The following QNG1 variants were observed in gnomAD, a reference collection of about 807,000 sequenced individuals.
QNG1 encodes the protein queuosine 5'-phosphate N-glycosylase/hydrolase.
chr9:83,944,019 T>TCAAACAAACAAACAAACAAA, the QNG1 span, among the ~76,000 whole-genome samples: 125 of 143,146 alleles, frequency 8.7e-4, no homozygotes, highest in African/African-American at 3.3e-3. Flanking sequence ...AGACTCCGTC[T>TCAAACAAACAAACAAACAAA]CAAACAAACA....
the QNG1 span, among the ~76,000 whole-genome samples, chr9:83,948,416 C>G: frequency 1.3e-5 from 2 of 149,300 alleles, no homozygotes; most frequent in Admixed American, 6.6e-5. Flanking sequence ...CCGCCCCGTC[C>G]GGGAGGGAGG....
the QNG1 span, among the ~76,000 whole-genome samples, chr9:83,941,245 T>C: frequency 5.3e-5 from 8 of 152,154 alleles, no homozygotes; most frequent in African/African-American, 1.9e-4. Flanking sequence ...TAGATAATAG[T>C]AGTGGGTTGA....
chr9:83,954,529 C>G, the QNG1 span, among the ~76,000 whole-genome samples: 2 of 151,704 alleles, frequency 1.3e-5, no homozygotes, highest in South Asian at 2.1e-4. Flanking sequence ...TTGCAGTGAG[C>G]TGAGATAGTG....
the QNG1 span, among the ~76,000 whole-genome samples, chr9:83,943,748 G>C: frequency 6.6e-6 from 1 of 152,292 alleles, no homozygotes; most frequent in South Asian, 2.1e-4. Flanking sequence ...TAAGGCCGGG[G>C]TGGTGGCTCA....
the QNG1 span, among the ~76,000 whole-genome samples, chr9:83,947,536 A>G: frequency 6.6e-6 from 1 of 152,266 alleles, no homozygotes. Context: ...CTCGTCTCCC[A>G]CTTTCCAGGG....
chr9:83,944,063 T>C, the QNG1 span, among the ~76,000 whole-genome samples: 1 of 150,800 alleles, frequency 6.6e-6, no homozygotes, highest in South Asian at 2.1e-4. Context: ...GGCTCACGCC[T>C]GTAATCCCAG....
At chr9:83,955,620 A>C in the QNG1 span, 1 of 1,613,272 alleles carries the variant, frequency 6.2e-7, no homozygotes, top group Non-Finnish European at 8.5e-7. Context: ...GCGTAGTACG[A>C]GGCACTAGTT....
the QNG1 span, among the ~76,000 whole-genome samples, chr9:83,945,597 G>T: frequency 2.0e-5 from 3 of 151,562 alleles, no homozygotes; most frequent in African/African-American, 7.3e-5. Context: ...TAATCCTAGG[G>T]CTTATTATTA....
At chr9:83,956,608 G>C in the QNG1 span, 2 of 902,160 alleles carry the variant, frequency 2.2e-6, no homozygotes, top group Non-Finnish European at 3.3e-6. Context: ...GCCTAAACAA[G>C]GTCCCGCCCT....
At chr9:83,955,457 C>G in the QNG1 span, 1 of 1,614,186 alleles carries the variant, frequency 6.2e-7, no homozygotes, top group Admixed American at 1.7e-5. Context: ...ACTATTCTCA[C>G]TTTCTCGGAC....
At chr9:83,941,238 A>G in the QNG1 span, among the ~76,000 whole-genome samples, 1 of 152,218 alleles carries the variant, frequency 6.6e-6, no homozygotes, top group South Asian at 2.1e-4. Context: ...ACAGCAATAG[A>G]TAATAGTAGT....
At chr9:83,953,232 T>C in the QNG1 span, among the ~76,000 whole-genome samples, 1 of 152,192 alleles carries the variant, frequency 6.6e-6, no homozygotes, top group Non-Finnish European at 1.5e-5. Context: ...ACTGCCACTT[T>C]CTGGTACATT....
the QNG1 span, among the ~76,000 whole-genome samples, chr9:83,943,901 G>C: frequency 6.6e-6 from 1 of 151,978 alleles, no homozygotes; most frequent in African/African-American, 2.4e-5. Context: ...GGCGCCTGTA[G>C]TCCCAGCTAC....
At chr9:83,950,242 G>T in the QNG1 span, among the ~76,000 whole-genome samples, 1 of 151,838 alleles carries the variant, frequency 6.6e-6, no homozygotes, top group Non-Finnish European at 1.5e-5. Context: ...TAGAGACGGG[G>T]TTTCACCACG....
the QNG1 span, among the ~76,000 whole-genome samples, chr9:83,951,176 G>A: frequency 6.6e-6 from 1 of 152,148 alleles, no homozygotes; most frequent in African/African-American, 2.4e-5. Context: ...GAGCTGAGGT[G>A]GGAGAATCGC....
chr9:83,945,478 C>T, the QNG1 span, among the ~76,000 whole-genome samples: 1 of 151,874 alleles, frequency 6.6e-6, no homozygotes, highest in Admixed American at 6.6e-5. Context: ...TCTATCACTC[C>T]AAACTCGCTT....
At chr9:83,948,230 T>C in the QNG1 span, among the ~76,000 whole-genome samples, 9,745 of 139,574 alleles carry the variant, frequency 0.07, 841 homozygotes, top group African/African-American at 0.22. Flanking sequence ...TGAGGAGCGT[T>C]TCTGGCCGGC....
At chr9:83,939,475 G>C in the QNG1 span, 2 of 1,376,584 alleles carry the variant, frequency 1.5e-6, no homozygotes, top group Non-Finnish European at 2.1e-6. Flanking sequence ...GATATAAAAC[G>C]CAGGGGGTTT....
At chr9:83,949,223 C>T in the QNG1 span, among the ~76,000 whole-genome samples, 1 of 152,102 alleles carries the variant, frequency 6.6e-6, no homozygotes, top group Non-Finnish European at 1.5e-5. Context: ...TTAAAACATT[C>T]CTACATTATG....
Sources: gnomAD v4.1 joint callset for allele counts (sites outside exome capture counted in the v4.1 genomes callset) on GRCh38, gnomAD v4.1.1 for gene constraint, MANE v1.5 for transcripts, NCBI Gene and HGNC (gene_info 2026-07-23, HGNC 2026-07-21) for gene names.